USP24: variants seen among roughly 807,000 people sequenced by gnomAD.
USP24 encodes ubiquitin carboxyl-terminal hydrolase 24.
A neutral mutation model predicts 361.6 loss-of-function variants in USP24; 97 were observed. The ratio of observed to expected loss-of-function variants is 0.27; its 90% CI spans 0.23 to 0.32. The LOEUF is 0.32. Among genes scored for constraint, USP24 ranks in the 10% least tolerant of loss-of-function variants. The pLI is 1.00. For synonymous variants in USP24, 1,098 were observed against 1,124.6 expected, an observed-to-expected ratio of 0.98 and a Z score of 0.47; for missense variants, 2,353 against 3,165.6, an observed-to-expected ratio of 0.74 and a Z score of 6.16.
chr1:55,138,638 A>G lies in USP24; in HGVS notation c.2898T>C (p.Tyr966=). 1 of 1,612,728 alleles carries G rather than the reference A, an allele frequency of 6.2e-7. No homozygotes were observed. Among genetic ancestry groups the G allele is most frequent in the African/African-American group, 1.3e-5 (1 of 74,982 alleles). ...CAGTGAAGGTATCTTTGGTAGACTCATAGGTAACATTAAGGGTTAAAAGAT... is the reference window on the plus strand; with the variant it reads ...CAGTGAAGGTATCTTTGGTAGACTCGTAGGTAACATTAAGGGTTAAAAGAT... ...HGHLLTLNVT[Y]ESTKDTFTVE... is the part of the protein sequence containing the mutation. Residue 966 remains tyrosine, a synonymous_variant, in exon 26 of 68, where the codon TAT becomes TAC. Coordinates refer to ENST00000294383, the MANE Select transcript of USP24 (RefSeq NM_015306.3).
At chr1:55,091,016 A>G (rs1450858939) in intron 54 of USP24, among the ~76,000 whole-genome samples, 1 of 152,186 alleles carries the variant, frequency 6.6e-6, no homozygotes, top group Non-Finnish European at 1.5e-5. Context: ...CCCGGGACAC[A>G]GAGGTTGCAG....
intron 38 of USP24, among the ~76,000 whole-genome samples, chr1:55,118,557 CTA>C (rs1367672669): frequency 2.6e-5 from 4 of 152,088 alleles, no homozygotes; most frequent in African/African-American, 9.7e-5. Context: ...AATTTCCTGG[CTA>C]TGACAGCAAA....
At chr1:55,095,526 A>G (rs2100487404) in intron 50 of USP24, 130 bp from the exon 51 acceptor site, 1 of 1,011,982 alleles carries the variant, frequency 9.9e-7, no homozygotes, top group Non-Finnish European at 1.4e-6. Context: ...GCAAAGTATA[A>G]GTAAAATGTG....
At chr1:55,162,513 T>C (rs1648397915) in intron 7 of USP24, among the ~76,000 whole-genome samples, 1 of 152,148 alleles carries the variant, frequency 6.6e-6, no homozygotes. Flanking sequence ...TTTGGAGAAT[T>C]AGATAAAATG....
chr1:55,068,990 A>G lies in USP24; in HGVS notation c.*55T>C. On this transcript the variant is annotated 3_prime_UTR_variant, in exon 68 of 68. Coordinates refer to ENST00000294383, the MANE Select transcript of USP24 (RefSeq NM_015306.3). Reference sequence around the variant, plus strand: ...AGGGTTCGAGATTCTGATTCCAAGAAGGTGCTGAGCATCCAGTATTGTGTC... The same window carrying G: ...AGGGTTCGAGATTCTGATTCCAAGAGGGTGCTGAGCATCCAGTATTGTGTC... 2 of 1,578,084 alleles carry G rather than the reference A, an allele frequency of 1.3e-6. No homozygotes were observed. The highest frequency in any genetic ancestry group is 1.7e-6 in the Non-Finnish European group (2 of 1,148,136).
intron 17 of USP24, 25 bp downstream of exon 17, chr1:55,148,438 T>TA (rs779065628): frequency 6.7e-7 from 1 of 1,499,378 alleles, no homozygotes; most frequent in African/African-American, 1.4e-5. Flanking sequence ...GTAACTATAA[T>TA]AATAAAAAAT....
rs867603296 is a variant in USP24 at position 55,176,297 on chromosome 1, T to C, written c.558+79A>G. The C allele has an allele frequency of 2.3e-6, 3 of 1,321,458 alleles. No individual in the cohort carries two copies. In the African/African-American group the frequency reaches 4.5e-5, roughly 20 times the overall value. 81.9% of individuals were successfully genotyped at this position (1,321,458 alleles called of 1,614,324 possible). A position where few individuals can be genotyped will look rare whatever the true frequency, so the allele number is the denominator to read the frequency against. On this transcript the variant is annotated intron_variant, in intron 3 of 67. Transcript: ENST00000294383. ...GGTCTTATACATAAAAAACTAAAATTAAAACAAAAAGCTTCTCTTCCTTCA... is the reference window on the plus strand; with the variant it reads ...GGTCTTATACATAAAAAACTAAAATCAAAACAAAAAGCTTCTCTTCCTTCA...
Position 55,095,323 on chromosome 1 carries a change from C to G in USP24, c.6135G>C (p.Gln2045His). Residue 2045 changes from glutamine (Q) to histidine (H), a missense_variant, in exon 51 of 68, where the codon CAG becomes CAC. By Grantham distance (24) the Gln-to-His change is conservative (BLOSUM62 0). Around this residue, in one of 8 missense-constraint regions of USP24, gnomAD observed 598 missense variants for 761.9 expected, o/e 0.78. Coordinates refer to ENST00000294383, the MANE Select transcript of USP24 (RefSeq NM_015306.3). ...TTTTCTTTGGTAATACTGGGGAGTT[C>G]TGATCAGACACCCTTTGGTAGAAAA... ...YMLFYQRVSD[Q>H]NSPVLPKKSR... The G allele has an allele frequency of 6.2e-7, 1 of 1,613,592 alleles. No homozygotes were observed. Among genetic ancestry groups the G allele is most frequent in the Non-Finnish European group, 8.5e-7 (1 of 1,179,746 alleles).
At chr1:55,148,397 G>T in intron 17 of USP24, 66 bp downstream of exon 17, 1 of 1,218,588 alleles carries the variant, frequency 8.2e-7, no homozygotes, top group Non-Finnish European at 1.2e-6. Flanking sequence ...AGCAATTTTA[G>T]CCATGTTTTG....
chr1:55,091,157 G>T (rs1309271541), intron 54 of USP24, among the ~76,000 whole-genome samples: 1 of 151,790 alleles, frequency 6.6e-6, no homozygotes, highest in Admixed American at 6.6e-5. Flanking sequence ...TAAGGCAGAG[G>T]TCCCCAAGCC....
At chr1:55,185,803 A>C (rs1644114807) in intron 1 of USP24, among the ~76,000 whole-genome samples, 1 of 152,052 alleles carries the variant, frequency 6.6e-6, no homozygotes, top group Non-Finnish European at 1.5e-5. Context: ...TCTTGGGCTC[A>C]AGTGAACCTC....
Position 55,095,237 on chromosome 1 carries a change from C to T in USP24, c.6203+18G>A. The T allele has an allele frequency of 6.2e-7, 1 of 1,611,626 alleles. No individual in the cohort carries two copies. Among genetic ancestry groups the T allele is most frequent in the Non-Finnish European group, 8.5e-7 (1 of 1,178,802 alleles). On this transcript the variant is annotated intron_variant, in intron 51 of 67. Coordinates refer to ENST00000294383, the MANE Select transcript of USP24 (RefSeq NM_015306.3). The stretch of plus-strand genomic sequence containing the variant: ...ACCATAGAAATCACACAGCAAATTA[C>T]ATGGAAGAGACACTTACAGAGAGAG...
chr1:55,180,147 C>T (rs1643920630), intron 1 of USP24, among the ~76,000 whole-genome samples: 1 of 152,086 alleles, frequency 6.6e-6, no homozygotes, highest in South Asian at 2.1e-4. Flanking sequence ...TATTTCTGGC[C>T]CCACATACTC....
chr1:55,107,088 G>T, intron 40 of USP24, 151 bp downstream of exon 40: 1 of 839,978 alleles, frequency 1.2e-6, no homozygotes, highest in Non-Finnish European at 1.7e-6. Context: ...AAGTTTGTTA[G>T]CCACTAAAAT....
chr1:55,188,063 T>C (rs1231380734), intron 1 of USP24, among the ~76,000 whole-genome samples: 2 of 152,204 alleles, frequency 1.3e-5, no homozygotes, highest in African/African-American at 4.8e-5. Flanking sequence ...TGGAATATAA[T>C]GGAGATTTCA....
In USP24 at chr1:55,107,393, C is replaced by T. The variant is rs369441609; in HGVS notation, c.4608G>A (p.Thr1536=). 32 of 1,612,520 alleles carry T rather than the reference C, an allele frequency of 2.0e-5. No individual in the cohort carries two copies. The highest frequency in any genetic ancestry group is 2.5e-5 in the Non-Finnish European group (30 of 1,179,348). The stretch of plus-strand genomic sequence containing the variant: ...GCCAAGTAATCTCATCTTCAAGCAT[C>T]GTAGCTGGGCTGATCCTTAACTGCT... ...EMEQLRISPA[T]MLEDEITWLD... Residue 1536 remains threonine, a synonymous_variant, in exon 40 of 68, where the codon ACG becomes ACA. Coordinates refer to ENST00000294383, the MANE Select transcript of USP24 (RefSeq NM_015306.3).
At chr1:55,159,493 G>A (rs1028236019) in intron 9 of USP24, 118 bp downstream of exon 9, 15 of 806,214 alleles carry the variant, frequency 1.9e-5, no homozygotes, top group Admixed American at 8.1e-5. Context: ...AAGTTAATTC[G>A]ATGTGAATGC....
chr1:55,124,597 A>G lies in USP24; in HGVS notation c.3992T>C (p.Val1331Ala). 6.2e-7 allele frequency: 1 copy of G among 1,614,006 alleles called. No homozygotes were observed. The highest frequency in any genetic ancestry group is 8.5e-7 in the Non-Finnish European group (1 of 1,179,888). ...CCATGACAATCTCATGAAGCAAGCC[A>G]CAGTAGAAGTGAAATCACTTACTTC... Reference protein sequence around the residue: ...TMEVSDFTSTVACFMRLSWAA... With the variant: ...TMEVSDFTSTAACFMRLSWAA... Residue 1331 changes from valine (V) to alanine (A), a missense_variant, in exon 35 of 68, where the codon GTG becomes GCG. Coordinates refer to ENST00000294383, the MANE Select transcript of USP24 (RefSeq NM_015306.3).
intron 1 of USP24, among the ~76,000 whole-genome samples, chr1:55,204,313 C>G (rs1327233822): frequency 6.7e-6 from 1 of 150,116 alleles, no homozygotes; most frequent in African/African-American, 2.5e-5. Flanking sequence ...AAAACTGATA[C>G]ACTTACGCTT....
Sources: gnomAD v4.1 joint callset for allele counts (sites outside exome capture counted in the v4.1 genomes callset) on GRCh38, gnomAD v4.1.1 for gene constraint, gnomAD v4.1.1 regional missense constraint, MANE v1.5 for transcripts, NCBI Gene and HGNC (gene_info 2026-07-23, HGNC 2026-07-21) for gene names.